The following ZNF577 variants were observed in gnomAD, a reference collection of about 807,000 sequenced individuals.
ZNF577 encodes the protein zinc finger protein 577.
ZNF577 carries 14 observed loss-of-function variants against 13.9 expected under a neutral mutation model. The ratio of observed to expected loss-of-function variants is 1.00; its 90% CI spans 0.66 to 1.57. The LOEUF is 1.57. Ranked by LOEUF, ZNF577 falls within the 40% of genes most tolerant of loss-of-function variation. The probability of loss-of-function intolerance (pLI) is 0.00; values close to 1 mark genes in which losing one functional copy is unlikely to be tolerated. For synonymous variants in ZNF577, 203 were observed against 202.9 expected, an observed-to-expected ratio of 1.00 and a Z score of 0.00; for missense variants, 555 against 579.2, an observed-to-expected ratio of 0.96 and a Z score of 0.43.
intron 8 of ZNF577, among the ~76,000 whole-genome samples, chr19:51,841,470 C>A (rs2084320270): frequency 6.6e-6 from 1 of 152,042 alleles, no homozygotes. Context: ...TCCACATGAG[C>A]CAAAAAGTGT....
At chr19:51,857,422 GAA>G (rs1555745883) in intron 5 of ZNF577, among the ~76,000 whole-genome samples, 1 of 108,706 alleles carries the variant, frequency 9.2e-6, no homozygotes, top group East Asian at 2.3e-4. Flanking sequence ...AAGAAAGAAA[GAA>G]AGAAAAGAAA....
At chr19:51,844,075 A>G (rs1224858568) in intron 6 of ZNF577, among the ~76,000 whole-genome samples, 1 of 142,700 alleles carries the variant, frequency 7.0e-6, no homozygotes, top group Non-Finnish European at 1.5e-5. Context: ...TTTTTTTTAC[A>G]TAAGTAAGTT....
chr19:51,835,201 C>T (rs2122526618), intron 9 of ZNF577, among the ~76,000 whole-genome samples: 1 of 151,728 alleles, frequency 6.6e-6, no homozygotes, highest in Non-Finnish European at 1.5e-5. Flanking sequence ...TACAAATGAC[C>T]AATCTTAGGA....
intron 9 of ZNF577, among the ~76,000 whole-genome samples, chr19:51,813,995 G>C (rs73061065): frequency 0.12 from 18,030 of 152,132 alleles, 1,325 homozygotes; most frequent in South Asian, 0.29. Context: ...AAAGCCAATA[G>C]GATGGTGAAG....
chr19:51,862,397 A>T (rs1386065957), downstream of ZNF577: 2 of 152,744 alleles, frequency 1.3e-5, no homozygotes, highest in African/African-American at 4.8e-5. Context: ...CTGCATCCAT[A>T]GGGTCTTTCT....
At chr19:51,883,770 A>G (rs1332610230) in intron 1 of ZNF577, among the ~76,000 whole-genome samples, 1 of 152,174 alleles carries the variant, frequency 6.6e-6, no homozygotes, top group African/African-American at 2.4e-5. Flanking sequence ...TGGACTAACT[A>G]TTCAATGAAC....
At chr19:51,822,785 A>G (rs1291904279) in intron 9 of ZNF577, among the ~76,000 whole-genome samples, 1 of 152,208 alleles carries the variant, frequency 6.6e-6, no homozygotes, top group Non-Finnish European at 1.5e-5. Flanking sequence ...AATGAAAAGC[A>G]GACGGGAGAA....
In ZNF577 at chr19:51,867,196, G is replaced by T. The variant is rs868772831; in HGVS notation, c.*5336C>A. 6.6e-6 allele frequency among the ~76,000 whole-genome samples: 1 copy of T among 152,052 alleles called. No individual in the cohort carries two copies. The highest frequency in any genetic ancestry group is 6.5e-5 in the Admixed American group (1 of 15,272). On this transcript the variant is annotated 3_prime_UTR_variant, in exon 6 of 6. Transcript: ENST00000638348. ...TTAAATTTTTAAATTACAAATGTATGTATTTCCATTTAATAGTTATTTGTC... is the reference window on the plus strand; with the variant it reads ...TTAAATTTTTAAATTACAAATGTATTTATTTCCATTTAATAGTTATTTGTC...
chr19:51,823,191 A>C (rs2084203599), intron 9 of ZNF577, among the ~76,000 whole-genome samples: 2 of 152,160 alleles, frequency 1.3e-5, no homozygotes, highest in Admixed American at 1.3e-4. Flanking sequence ...TCTATATATT[A>C]CAAGTAATGG....
At chr19:51,845,982 C>A (rs2084349230) in intron 5 of ZNF577, among the ~76,000 whole-genome samples, 1 of 152,090 alleles carries the variant, frequency 6.6e-6, no homozygotes, top group Non-Finnish European at 1.5e-5. Flanking sequence ...TCGATATGTG[C>A]CCAGTAGTAG....
chr19:51,885,590 C>A (rs1415233156), intron 1 of ZNF577, among the ~76,000 whole-genome samples: 1 of 152,144 alleles, frequency 6.6e-6, no homozygotes, highest in Non-Finnish European at 1.5e-5. Flanking sequence ...CAGCTCACTG[C>A]AACTTCTGTC....
chr19:51,854,943 G>T (rs2084402885), intron 5 of ZNF577, among the ~76,000 whole-genome samples: 1 of 152,022 alleles, frequency 6.6e-6, no homozygotes, highest in Non-Finnish European at 1.5e-5. Context: ...GCTGAGACCT[G>T]TTCTCTTTGT....
chr19:51,828,493 A>T (rs1009022203), intron 9 of ZNF577, among the ~76,000 whole-genome samples: 1 of 152,122 alleles, frequency 6.6e-6, no homozygotes, highest in Non-Finnish European at 1.5e-5. Context: ...AGGACAGGGG[A>T]TTCTTACTAT....
At chr19:51,859,814 T>G (rs563927091) in intron 5 of ZNF577, among the ~76,000 whole-genome samples, 93 of 152,290 alleles carry the variant, frequency 6.1e-4, no homozygotes, top group African/African-American at 2.2e-3. Context: ...TTTTGTCTTA[T>G]GTTGAGAATT....
intron 1 of ZNF577, among the ~76,000 whole-genome samples, chr19:51,881,405 CACTGTCTT>C (rs2084859932): frequency 6.6e-6 from 1 of 152,162 alleles, no homozygotes; most frequent in Admixed American, 6.5e-5. Flanking sequence ...TGGTTTATTG[CACTGTCTT>C]ACTAATCATA....
intron 1 of ZNF577, among the ~76,000 whole-genome samples, chr19:51,882,478 A>AT (rs1310014455): frequency 7.4e-6 from 1 of 134,374 alleles, no homozygotes; most frequent in African/African-American, 3.0e-5. Context: ...ACAGTATCCA[A>AT]TAAAAAAAAA....
At chr19:51,848,015 T>C (rs1039801109) in intron 5 of ZNF577, among the ~76,000 whole-genome samples, 11 of 152,198 alleles carry the variant, frequency 7.2e-5, no homozygotes, top group Admixed American at 6.5e-5. Flanking sequence ...GACATGCTGT[T>C]GGAAGCCACC....
At chr19:51,822,455 A>T (rs896162850) in intron 9 of ZNF577, among the ~76,000 whole-genome samples, 1 of 152,034 alleles carries the variant, frequency 6.6e-6, no homozygotes, top group Non-Finnish European at 1.5e-5. Flanking sequence ...AGGGGGCATC[A>T]CCAGCAATAT....
intron 9 of ZNF577, among the ~76,000 whole-genome samples, chr19:51,828,269 G>A (rs1301024951): frequency 6.6e-6 from 1 of 151,958 alleles, no homozygotes; most frequent in Non-Finnish European, 1.5e-5. Flanking sequence ...TTGGAAGACT[G>A]AGGAAGGAGA....
Sources: allele counts gnomAD v4.1 joint callset (sites outside exome capture counted in the v4.1 genomes callset), GRCh38; gene constraint gnomAD v4.1.1; transcripts MANE v1.5; gene names NCBI Gene and HGNC (gene_info 2026-07-23, HGNC 2026-07-21).